RBFOX1: variants seen among roughly 807,000 people sequenced by gnomAD.
RBFOX1 encodes RNA binding fox-1 homolog 1, also known as RNA binding protein fox-1 homolog 1.
A neutral mutation model predicts 57.7 loss-of-function variants in RBFOX1; 8 were observed. The observed-to-expected ratio is 0.14, with a 90% confidence interval of 0.08 to 0.25. The LOEUF is 0.25. Ranked by LOEUF, RBFOX1 falls within the 10% of genes least tolerant of loss-of-function variation. RBFOX1 has a pLI of 1.00. For missense variants in RBFOX1, 611 were observed against 548.5 expected, an observed-to-expected ratio of 1.11 and a Z score of -1.14; for synonymous variants, 326 against 222.4, an observed-to-expected ratio of 1.47 and a Z score of -4.15.
At chr16:7,259,439 A>G (rs2094829849) in intron 4 of RBFOX1, among the ~76,000 whole-genome samples, 1 of 152,090 alleles carries the variant, frequency 6.6e-6, no homozygotes, top group Admixed American at 6.6e-5. Context: ...ACCCCTGTAG[A>G]GTTCATGCCA....
chr16:6,211,255 G>C (rs1241353616), intron 1 of RBFOX1, among the ~76,000 whole-genome samples: 1 of 114,850 alleles, frequency 8.7e-6, no homozygotes, highest in Admixed American at 1.0e-4. Flanking sequence ...TTGGGATGGA[G>C]TCTCGCTTTG....
intron 1 of RBFOX1, among the ~76,000 whole-genome samples, chr16:5,252,649 T>A (rs1425084206): frequency 1.3e-5 from 2 of 152,158 alleles, no homozygotes; most frequent in Non-Finnish European, 2.9e-5. Flanking sequence ...CCTGTCTTCT[T>A]CACGGGGGAT....
At position 7,482,280 on chromosome 16, in the gene RBFOX1, A is replaced by G. The variant is rs1191679329; in HGVS notation, c.28-35867A>G. Reference sequence around the variant, plus strand: ...AGCTGCAATCATCCTCATTAATTCTATCTTCGCAGTAACTCTGTGAAGTGC... The same window carrying G: ...AGCTGCAATCATCCTCATTAATTCTGTCTTCGCAGTAACTCTGTGAAGTGC... On this transcript the variant is annotated intron_variant, in intron 4 of 15. Coordinates refer to ENST00000550418, the MANE Select transcript of RBFOX1 (RefSeq NM_018723.4). Among the ~76,000 whole-genome samples the G allele has an allele frequency of 3.3e-5, 5 of 152,192 alleles. No individual in the cohort carries two copies. The South Asian group carries it at 8.3e-4, about 25-fold the overall frequency.
At chr16:6,794,585 C>G (rs1468842091) in intron 3 of RBFOX1, among the ~76,000 whole-genome samples, 1 of 152,058 alleles carries the variant, frequency 6.6e-6, no homozygotes, top group Non-Finnish European at 1.5e-5. Context: ...TAGCAGAAAA[C>G]TCATTCAGTG....
intron 2 of RBFOX1, among the ~76,000 whole-genome samples, chr16:6,508,206 C>A (rs2096159465): frequency 6.6e-6 from 1 of 151,774 alleles, no homozygotes. Flanking sequence ...CATCCTGGGG[C>A]CTTTTGGAGG....
rs140945733 is a variant in RBFOX1 at position 6,513,300 on chromosome 16, G to A, written c.-63-141303G>A. Among the ~76,000 whole-genome samples the A allele has an allele frequency of 3.0e-3, 463 of 152,332 alleles. 3 individuals carry two copies. The highest frequency in any genetic ancestry group is 1.0e-2 in the African/African-American group (415 of 41,570). On this transcript the variant is annotated intron_variant, in intron 2 of 15. Coordinates refer to ENST00000550418, the MANE Select transcript of RBFOX1 (RefSeq NM_018723.4). The stretch of plus-strand genomic sequence containing the variant: ...AAATGCCTGGCAAAGGGACTGGGCT[G>A]CTGGTAGTGATTCTGTCAGCTTCTC...
intron 3 of RBFOX1, among the ~76,000 whole-genome samples, chr16:6,850,462 G>C (rs1220788316): frequency 6.6e-6 from 1 of 152,020 alleles, no homozygotes; most frequent in African/African-American, 2.4e-5. Flanking sequence ...TTTGAGTTGA[G>C]AGCTTATCAG....
At chr16:7,481,508 C>T (rs189233175) in intron 4 of RBFOX1, among the ~76,000 whole-genome samples, 1,974 of 152,232 alleles carry the variant, frequency 0.013, 19 homozygotes, top group Non-Finnish European at 0.02. Flanking sequence ...TCTATCATAC[C>T]TTAATTTGAT....
At chr16:7,329,617 C>G (rs1331570616) in intron 4 of RBFOX1, among the ~76,000 whole-genome samples, 1 of 152,182 alleles carries the variant, frequency 6.6e-6, no homozygotes, top group Non-Finnish European at 1.5e-5. Flanking sequence ...GAAGTCAATA[C>G]AACTTCAAAA....
chr16:6,088,986 C>T (rs1030344349), intron 1 of RBFOX1, among the ~76,000 whole-genome samples: 2 of 151,510 alleles, frequency 1.3e-5, no homozygotes, highest in Admixed American at 6.6e-5. Context: ...ATCCCAGCTA[C>T]TCGAGAGGCC....
At chr16:6,258,808 A>G (rs924642191) in intron 1 of RBFOX1, among the ~76,000 whole-genome samples, 1 of 151,996 alleles carries the variant, frequency 6.6e-6, no homozygotes, top group Non-Finnish European at 1.5e-5. Context: ...AGAGATGGAG[A>G]CCCCATTTTA....
chr16:5,683,124 G>T (rs80126440), intron 3 of RBFOX1, among the ~76,000 whole-genome samples: 2,839 of 144,990 alleles, frequency 0.02, 82 homozygotes, highest in African/African-American at 0.067. Flanking sequence ...TCTAGGGCTT[G>T]TATTTGTGTG....
In RBFOX1 at chr16:5,618,486, C is replaced by T. The variant is rs552961239; in HGVS notation, c.318+19525C>T. Among the ~76,000 whole-genome samples the T allele has an allele frequency of 6.6e-5, 10 of 152,126 alleles. No homozygotes were observed. In the South Asian group the frequency reaches 1.5e-3, roughly 22 times the overall value. On this transcript the variant is annotated intron_variant, in intron 3 of 19. Coordinates refer to the RBFOX1 transcript ENST00000641259. ...CCAAGTAGCTGGGACTACAGGCGCC[C>T]GCCATCACGCCCAGCTAATTTTTTG...
chr16:5,671,726 G>C (rs1009006262), intron 3 of RBFOX1, among the ~76,000 whole-genome samples: 2 of 152,140 alleles, frequency 1.3e-5, no homozygotes, highest in African/African-American at 2.4e-5. Flanking sequence ...GTTATTTTAG[G>C]AGCTAATGCT....
chr16:6,770,124 C>G (rs758063423), intron 3 of RBFOX1, among the ~76,000 whole-genome samples: 48 of 152,148 alleles, frequency 3.2e-4, no homozygotes, highest in Non-Finnish European at 5.6e-4. Context: ...TTGTATTAAG[C>G]AGAAAGGCAG....
At chr16:5,528,847 A>G (rs1295163929) in intron 2 of RBFOX1, among the ~76,000 whole-genome samples, 1 of 152,014 alleles carries the variant, frequency 6.6e-6, no homozygotes, top group African/African-American at 2.4e-5. Flanking sequence ...GTGAGGTTTC[A>G]CCATGTTGGT....
chr16:6,871,542 C>G (rs975451859), intron 3 of RBFOX1, among the ~76,000 whole-genome samples: 2 of 152,080 alleles, frequency 1.3e-5, no homozygotes, highest in Non-Finnish European at 2.9e-5. Flanking sequence ...GAGATCAACT[C>G]CAGTGGTTTA....
chr16:5,791,840 T>C (rs2054709568), intron 3 of RBFOX1, among the ~76,000 whole-genome samples: 1 of 152,218 alleles, frequency 6.6e-6, no homozygotes, highest in African/African-American at 2.4e-5. Context: ...CTTTGCTCTC[T>C]GGAAATAAAG....
intron 3 of RBFOX1, among the ~76,000 whole-genome samples, chr16:6,846,310 TCA>T (rs942058197): frequency 1.3e-5 from 2 of 152,102 alleles, no homozygotes; most frequent in Non-Finnish European, 2.9e-5. Context: ...CATGGACACA[TCA>T]CAGACTCACT....
Sources: allele counts gnomAD v4.1 joint callset (sites outside exome capture counted in the v4.1 genomes callset), GRCh38; gene constraint gnomAD v4.1.1; transcripts MANE v1.5; gene names NCBI Gene and HGNC (gene_info 2026-07-23, HGNC 2026-07-21).